The following PRKAG2 variants were observed in gnomAD, a reference collection of about 807,000 sequenced individuals.
PRKAG2 encodes 5'-AMP-activated protein kinase subunit gamma-2.
PRKAG2 carries 26 observed loss-of-function variants against 69.6 expected under a neutral mutation model. The observed-to-expected ratio is 0.37, with a 90% CI of 0.27 to 0.52. The LOEUF is 0.52. Ranked by LOEUF, PRKAG2 falls within the 20% of genes least tolerant of loss-of-function variation. The probability of loss-of-function intolerance (pLI) is 0.90; values close to 1 mark genes in which losing one functional copy is unlikely to be tolerated. For missense variants in PRKAG2, 557 were observed against 740.0 expected (o/e 0.75, Z 2.87); for synonymous variants, 293 against 285.0 (o/e 1.03, Z -0.28).
chr7:151,577,678 A>C (rs1358566014), intron 6 of PRKAG2, among the ~76,000 whole-genome samples: 1 of 152,148 alleles, frequency 6.6e-6, no homozygotes, highest in Non-Finnish European at 1.5e-5. Context: ...ACAATGTTCC[A>C]TGTGACATTA....
intron 3 of PRKAG2, among the ~76,000 whole-genome samples, chr7:151,773,624 A>G (rs1453668382): frequency 6.6e-6 from 1 of 152,254 alleles, no homozygotes; most frequent in Non-Finnish European, 1.5e-5. Context: ...ACACGACATT[A>G]GATCATTCTG....
intron 1 of PRKAG2, among the ~76,000 whole-genome samples, chr7:151,802,832 A>G (rs1227129485): frequency 6.6e-6 from 1 of 151,990 alleles, no homozygotes; most frequent in African/African-American, 2.4e-5. Flanking sequence ...CTGTCCTGGG[A>G]CACCCTCTAC....
chr7:151,739,059 T>C (rs1336530396), intron 3 of PRKAG2, among the ~76,000 whole-genome samples: 1 of 152,008 alleles, frequency 6.6e-6, no homozygotes, highest in African/African-American at 2.4e-5. Context: ...GGTTCGGGTC[T>C]CCCCAGCTGA....
At chr7:151,618,354 G>A (rs1270915027) in intron 5 of PRKAG2, among the ~76,000 whole-genome samples, 2 of 152,078 alleles carry the variant, frequency 1.3e-5, no homozygotes, top group Non-Finnish European at 2.9e-5. Flanking sequence ...TCAGGAGCCT[G>A]AGGCAGGAGA....
intron 4 of PRKAG2, among the ~76,000 whole-genome samples, chr7:151,667,707 A>C (rs1831254546): frequency 6.6e-6 from 1 of 152,190 alleles, no homozygotes; most frequent in African/African-American, 2.4e-5. Flanking sequence ...GAACCCTGTC[A>C]CAGGCATTTG....
chr7:151,678,154 A>G (rs1833251932), intron 3 of PRKAG2, among the ~76,000 whole-genome samples: 1 of 152,154 alleles, frequency 6.6e-6, no homozygotes, highest in African/African-American at 2.4e-5. Flanking sequence ...TCGTGTCACC[A>G]AACTCATAAA....
intron 3 of PRKAG2, among the ~76,000 whole-genome samples, chr7:151,727,482 CAGGG>C (rs1427677377): frequency 6.6e-6 from 1 of 152,164 alleles, no homozygotes; most frequent in African/African-American, 2.4e-5. Flanking sequence ...TGCCCCTGGG[CAGGG>C]ACTCTGGAAG....
At chr7:151,735,848 G>A in intron 3 of PRKAG2, 1 of 1,535,074 alleles carries the variant, frequency 6.5e-7, no homozygotes, top group Non-Finnish European at 8.7e-7. Flanking sequence ...ACGCCGTGGG[G>A]TTCCCTCCCA....
chr7:151,562,244 C>CAAAAAAAAAAAAAAAAAAAAA (rs575674668), intron 14 of PRKAG2, among the ~76,000 whole-genome samples: 1 of 38,460 alleles, frequency 2.6e-5, no homozygotes, highest in Non-Finnish European at 6.2e-5. Flanking sequence ...GACTTTGTCT[C>CAAAAAAAAAAAAAAAAAAAAA]AAAAAAAAAA....
intron 1 of PRKAG2, among the ~76,000 whole-genome samples, chr7:151,792,625 A>T (rs11770585): frequency 2.6e-5 from 4 of 152,214 alleles, no homozygotes; most frequent in African/African-American, 4.8e-5. Flanking sequence ...CCCAGAAAGA[A>T]GACAGACAAG....
chr7:151,841,511 A>AG, intron 1 of PRKAG2, among the ~76,000 whole-genome samples: 1 of 143,150 alleles, frequency 7.0e-6, no homozygotes, highest in Non-Finnish European at 1.5e-5. Flanking sequence ...TTGGGATGGT[A>AG]GTGATGGTAG....
rs781013116 is a variant in PRKAG2, at chr7:151,735,927, G to T, written c.466+45225C>A. ...AAAAGGCCATGAGGCTCCGACTGGC[G>T]CCTCTCCGTGCTTCGATTTTGGTCC... On this transcript the variant is annotated intron_variant, in intron 3 of 15. Coordinates refer to ENST00000287878, the MANE Select transcript of PRKAG2 (RefSeq NM_016203.4). 4 of 1,536,182 alleles carry T rather than the reference G, an allele frequency of 2.6e-6. No homozygotes were observed. The highest frequency in any genetic ancestry group is 3.5e-6 in the Non-Finnish European group (4 of 1,146,954).
chr7:151,832,788 C>T (rs1034660760), intron 1 of PRKAG2, among the ~76,000 whole-genome samples: 13 of 152,158 alleles, frequency 8.5e-5, no homozygotes, highest in African/African-American at 2.9e-4. Context: ...TTCCCTCCCT[C>T]TTCTCTAGGT....
chr7:151,590,595 TGAC>T, intron 6 of PRKAG2, among the ~76,000 whole-genome samples: 1 of 152,176 alleles, frequency 6.6e-6, no homozygotes, highest in African/African-American at 2.4e-5. Flanking sequence ...GAAAGCCCAG[TGAC>T]AGGCTTTCCT....
intron 10 of PRKAG2, 63 bp downstream of exon 10, chr7:151,570,107 TA>T: frequency 6.5e-7 from 1 of 1,537,946 alleles, no homozygotes; most frequent in Non-Finnish European, 8.8e-7. Context: ...TCTTTCTTTC[TA>T]TCATGGTGAT....
chr7:151,662,676 G>A (rs1206435862), intron 4 of PRKAG2, among the ~76,000 whole-genome samples: 7 of 152,286 alleles, frequency 4.6e-5, no homozygotes, highest in Middle Eastern at 3.4e-3. Context: ...CAAGGAAGGA[G>A]GATGGCTTGA....
intron 3 of PRKAG2, among the ~76,000 whole-genome samples, chr7:151,677,961 T>A (rs1263519723): frequency 6.6e-6 from 1 of 152,194 alleles, no homozygotes; most frequent in Non-Finnish European, 1.5e-5. Flanking sequence ...GTTTTCCTTT[T>A]ATCAGGTCCT....
Position 151,814,420 on chromosome 7 carries a change from C to A in PRKAG2, c.115-27879G>T. 2 of 1,227,780 alleles carry A rather than the reference C, an allele frequency of 1.6e-6. No individual in the cohort carries two copies. Among genetic ancestry groups the A allele is most frequent in the Non-Finnish European group, 2.0e-6 (2 of 986,076 alleles). The allele number at this position is 1,227,780 out of a possible 1,614,324, so 76.1% of individuals were successfully genotyped here. On this transcript the variant is annotated intron_variant, in intron 1 of 15. Coordinates refer to ENST00000287878, the MANE Select transcript of PRKAG2 (RefSeq NM_016203.4). This position sits in a 1 kb window ranked among gnomAD's most constrained non-coding sequence, Gnocchi z 4.8. The stretch of plus-strand genomic sequence containing the variant: ...AGCTCCCGCAGGTCTGCTTACTCAG[C>A]CCCAAGGGGTCCTGGAGGTCTTCTC...
At chr7:151,708,073 C>T (rs773463938) in intron 3 of PRKAG2, among the ~76,000 whole-genome samples, 4 of 152,176 alleles carry the variant, frequency 2.6e-5, no homozygotes, top group Admixed American at 6.5e-5. Flanking sequence ...GCGCTGTCCC[C>T]GTTGAAAGCT....
Sources: allele counts gnomAD v4.1 joint callset (sites outside exome capture counted in the v4.1 genomes callset), GRCh38; gene constraint gnomAD v4.1.1; non-coding constraint Gnocchi (gnomAD v3.1); transcripts MANE v1.5; gene names NCBI Gene and HGNC (gene_info 2026-07-23, HGNC 2026-07-21).